Variants in LUZP2 observed in about 807,000 individuals in gnomAD.
LUZP2 encodes the protein leucine zipper protein 2.
LUZP2 carries 52 observed loss-of-function variants against 51.6 expected under a neutral mutation model. The ratio of observed to expected loss-of-function variants is 1.01; its 90% confidence interval spans 0.81 to 1.27. The LOEUF (loss-of-function observed/expected upper bound fraction) is 1.27, where lower values mean the gene tolerates loss of function less well. Ranked by LOEUF, LUZP2 falls within the 50% of genes most tolerant of loss-of-function variation. The pLI is 0.00. For synonymous variants in LUZP2, 154 were observed against 137.3 expected, an observed-to-expected ratio of 1.12 and a Z score of -0.85; for missense variants, 436 against 395.4, an observed-to-expected ratio of 1.10 and a Z score of -0.87.
At chr11:24,528,717 C>T (rs975535118) in intron 1 of LUZP2, among the ~76,000 whole-genome samples, 4 of 151,136 alleles carry the variant, frequency 2.6e-5, no homozygotes, top group Admixed American at 6.6e-5. Flanking sequence ...CTGCTTTCTA[C>T]AGAGACGAAC....
chr11:24,703,344 T>C (rs1413899227), intron 1 of LUZP2, among the ~76,000 whole-genome samples: 3 of 152,166 alleles, frequency 2.0e-5, no homozygotes, highest in African/African-American at 7.2e-5. Context: ...GACTCTTACT[T>C]CTGAAGGTTA....
intron 7 of LUZP2, among the ~76,000 whole-genome samples, chr11:24,917,929 A>G (rs1216337867): frequency 6.6e-6 from 1 of 152,080 alleles, no homozygotes; most frequent in Non-Finnish European, 1.5e-5. Context: ...CTTGGGCAGT[A>G]TGGCCATTTT....
intron 10 of LUZP2, among the ~76,000 whole-genome samples, chr11:25,052,402 G>A (rs1313380924): frequency 6.6e-6 from 1 of 152,098 alleles, no homozygotes; most frequent in Admixed American, 6.5e-5. Context: ...ACCTCAGTAG[G>A]TAAGGTCTAG....
chr11:24,651,979 C>T (rs1855637292), intron 1 of LUZP2, among the ~76,000 whole-genome samples: 1 of 151,770 alleles, frequency 6.6e-6, no homozygotes, highest in South Asian at 2.1e-4. Context: ...CTCTTTCTCT[C>T]TATCTCTCTG....
intron 9 of LUZP2, among the ~76,000 whole-genome samples, chr11:24,984,333 T>C (rs1467268111): frequency 2.0e-5 from 3 of 151,218 alleles, no homozygotes; most frequent in Non-Finnish European, 4.4e-5. Context: ...TGGAGAGTCA[T>C]AAATAATAGA....
intron 7 of LUZP2, among the ~76,000 whole-genome samples, chr11:24,961,099 G>A (rs1855385200): frequency 6.6e-6 from 1 of 152,182 alleles, no homozygotes; most frequent in Non-Finnish European, 1.5e-5. Context: ...TGATTGCACT[G>A]TGGTCAGAGA....
chr11:24,694,303 C>G (rs995670880), intron 1 of LUZP2, among the ~76,000 whole-genome samples: 2 of 151,946 alleles, frequency 1.3e-5, no homozygotes, highest in African/African-American at 4.8e-5. Context: ...TGTTATTTCC[C>G]CATATATCTA....
chr11:24,559,965 G>T (rs1037552563), intron 1 of LUZP2, among the ~76,000 whole-genome samples: 4 of 152,110 alleles, frequency 2.6e-5, no homozygotes, highest in African/African-American at 9.7e-5. Flanking sequence ...CACACACTGG[G>T]ACCTGTCGGG....
intron 9 of LUZP2, among the ~76,000 whole-genome samples, chr11:25,024,714 A>G (rs980175114): frequency 1.3e-5 from 2 of 151,844 alleles, no homozygotes; most frequent in South Asian, 4.2e-4. Context: ...AAAATGGCCA[A>G]ACTGCCCAAG....
At chr11:25,021,783 T>C (rs915598624) in intron 9 of LUZP2, among the ~76,000 whole-genome samples, 1 of 151,508 alleles carries the variant, frequency 6.6e-6, no homozygotes, top group East Asian at 1.9e-4. Flanking sequence ...TAGGGGAATA[T>C]AGAGAGTCTG....
chr11:24,532,786 T>A (rs1455153639), intron 1 of LUZP2, among the ~76,000 whole-genome samples: 1 of 151,058 alleles, frequency 6.6e-6, no homozygotes, highest in East Asian at 1.9e-4. Context: ...TATTAAGGTT[T>A]CCTAATTATA....
At chr11:24,642,188 A>C (rs1194586637) in intron 1 of LUZP2, among the ~76,000 whole-genome samples, 1 of 151,766 alleles carries the variant, frequency 6.6e-6, no homozygotes, top group Non-Finnish European at 1.5e-5. Context: ...TCGCCCGGCC[A>C]GAAGTTAATA....
chr11:24,601,954 G>GTA (rs1347559905), intron 1 of LUZP2, among the ~76,000 whole-genome samples: 36 of 129,168 alleles, frequency 2.8e-4, no homozygotes, highest in South Asian at 7.0e-4. Context: ...ATGTATAAAT[G>GTA]TATATATGTA....
chr11:24,909,468 C>T (rs182436227), intron 6 of LUZP2, among the ~76,000 whole-genome samples: 2 of 151,156 alleles, frequency 1.3e-5, no homozygotes, highest in Admixed American at 1.3e-4. Context: ...ATCTCCCACT[C>T]TCCCTTGATA....
At chr11:24,861,246 A>C (rs962918963) in intron 5 of LUZP2, among the ~76,000 whole-genome samples, 1 of 152,136 alleles carries the variant, frequency 6.6e-6, no homozygotes, top group Non-Finnish European at 1.5e-5. Context: ...TGCAGACAAG[A>C]ATAGGGAAAA....
intron 1 of LUZP2, among the ~76,000 whole-genome samples, chr11:24,722,784 G>T (rs527858954): frequency 1.4e-3 from 215 of 152,032 alleles, no homozygotes; most frequent in African/African-American, 5.1e-3. Flanking sequence ...GGGCGTGGGG[G>T]TGCATGCCTG....
chr11:24,569,084 A>G (rs1056556473), intron 1 of LUZP2, among the ~76,000 whole-genome samples: 1 of 124,678 alleles, frequency 8.0e-6, no homozygotes, highest in Non-Finnish European at 1.7e-5. Context: ...CTATTGTAAT[A>G]AAAATAAAAC....
chr11:24,628,779 G>C (rs974097439), intron 1 of LUZP2, among the ~76,000 whole-genome samples: 13 of 152,022 alleles, frequency 8.6e-5, no homozygotes, highest in African/African-American at 3.1e-4. Flanking sequence ...GGCTGATCTG[G>C]AACTCCTGAC....
intron 5 of LUZP2, among the ~76,000 whole-genome samples, chr11:24,889,542 T>C (rs1451312558): frequency 4.6e-5 from 7 of 152,330 alleles, no homozygotes; most frequent in East Asian, 3.9e-4. Context: ...AAAGGTTAAA[T>C]TGGTAAATTG....
Sources: allele counts gnomAD v4.1 joint callset (sites outside exome capture counted in the v4.1 genomes callset), GRCh38; gene constraint gnomAD v4.1.1; transcripts MANE v1.5; gene names NCBI Gene and HGNC (gene_info 2026-07-23, HGNC 2026-07-21).